BCAR3: variants seen among roughly 807,000 people sequenced by gnomAD.
BCAR3 encodes breast cancer anti-estrogen resistance protein 3.
BCAR3 carries 37 observed loss-of-function variants against 80.1 expected under a neutral mutation model. That is an observed-to-expected ratio of 0.46 (90% confidence interval 0.36 to 0.61). The LOEUF (loss-of-function observed/expected upper bound fraction) is 0.61. BCAR3 is among the 20% of genes least tolerant of loss of function. The pLI, the probability that BCAR3 is intolerant of heterozygous loss-of-function variation, is 0.00. For missense variants in BCAR3, 978 were observed against 1,068.2 expected (o/e 0.92, Z 1.18); for synonymous variants, 389 against 418.9 (o/e 0.93, Z 0.87).
intron 2 of BCAR3, among the ~76,000 whole-genome samples, chr1:93,667,649 CTTGTAAAT>C (rs1467340402): frequency 1.3e-5 from 2 of 152,220 alleles, no homozygotes; most frequent in Admixed American, 6.5e-5. Context: ...ACCTCTCTAA[CTTGTAAAT>C]AACAGCACAG....
At chr1:93,642,897 CA>C (rs551473497) in intron 2 of BCAR3, among the ~76,000 whole-genome samples, 73 of 152,334 alleles carry the variant, frequency 4.8e-4, no homozygotes, top group African/African-American at 1.6e-3. Context: ...AAAATCTCAG[CA>C]ATTCATCCTA....
At position 93,789,731 on chromosome 1, in the gene BCAR3, C is replaced by G. The variant is rs543597679; in HGVS notation, c.-63+55836G>C. Reference sequence around the variant, plus strand: ...ATCATCTGGTTTTCCAGTGAAGATGCAGAGGCTCCTATTTTTCCTTCTGGA... The same window carrying G: ...ATCATCTGGTTTTCCAGTGAAGATGGAGAGGCTCCTATTTTTCCTTCTGGA... On this transcript the variant is annotated intron_variant, in intron 2 of 13. Transcript: ENST00000370244. 1.1e-4 allele frequency among the ~76,000 whole-genome samples: 16 copies of G among 152,350 alleles called. 2 individuals carry two copies. Among genetic ancestry groups the G allele is most frequent in the African/African-American group, 3.6e-4 (15 of 41,570 alleles).
At chr1:93,564,767 C>G (rs1172185981) in intron 11 of BCAR3, among the ~76,000 whole-genome samples, 1 of 152,178 alleles carries the variant, frequency 6.6e-6, no homozygotes, top group Non-Finnish European at 1.5e-5. Context: ...CAGGATTATA[C>G]TTTATCCAGT....
At chr1:93,807,377 T>C (rs1653691059) in intron 2 of BCAR3, among the ~76,000 whole-genome samples, 1 of 152,198 alleles carries the variant, frequency 6.6e-6, no homozygotes, top group African/African-American at 2.4e-5. Context: ...ATGAGAGTTA[T>C]ATATTCTTTA....
At chr1:93,819,938 GTCCCAGGGTCTGTTGT>G (rs536148372) in intron 2 of BCAR3, among the ~76,000 whole-genome samples, 548 of 152,140 alleles carry the variant, frequency 3.6e-3, no homozygotes, top group Middle Eastern at 6.8e-3. Flanking sequence ...CCTCAAGTAG[GTCCCAGGGTCTGTTGT>G]TCCCTCCTTT....
At chr1:93,808,028 A>C (rs1393544881) in intron 2 of BCAR3, among the ~76,000 whole-genome samples, 3 of 145,094 alleles carry the variant, frequency 2.1e-5, no homozygotes, top group African/African-American at 5.2e-5. Context: ...ATAAAGCAAA[A>C]CTCTTTTTTT....
At chr1:93,642,220 G>A in intron 3 of BCAR3, 84 bp downstream of exon 3, 4 of 1,446,198 alleles carry the variant, frequency 2.8e-6, no homozygotes, top group Non-Finnish European at 2.9e-6. Flanking sequence ...AAACCAGGCT[G>A]CAGCATTATT....
chr1:93,738,840 T>C (rs1037688369), intron 2 of BCAR3, among the ~76,000 whole-genome samples: 1 of 152,218 alleles, frequency 6.6e-6, no homozygotes, highest in Non-Finnish European at 1.5e-5. Flanking sequence ...TTTGTATTTA[T>C]TATTAGTTGA....
intron 7 of BCAR3, among the ~76,000 whole-genome samples, chr1:93,580,868 A>C (rs1673676366): frequency 6.6e-6 from 1 of 152,208 alleles, no homozygotes. Context: ...TCCTACAAAA[A>C]AATGGTGATG....
At chr1:93,762,365 A>G (rs1651977899) in intron 2 of BCAR3, among the ~76,000 whole-genome samples, 1 of 152,228 alleles carries the variant, frequency 6.6e-6, no homozygotes, top group Admixed American at 6.5e-5. Context: ...ATCCACATAC[A>G]GAAAGACAAA....
chr1:93,618,163 T>C (rs1200702432), intron 3 of BCAR3, among the ~76,000 whole-genome samples: 2 of 152,270 alleles, frequency 1.3e-5, no homozygotes, highest in African/African-American at 4.8e-5. Context: ...GATTGATTTC[T>C]TGCTCCGAAA....
At chr1:93,748,093 C>A (rs1365932124) in intron 2 of BCAR3, among the ~76,000 whole-genome samples, 1 of 152,206 alleles carries the variant, frequency 6.6e-6, no homozygotes, top group East Asian at 1.9e-4. Context: ...CTTTCTTCCT[C>A]ATTTCCTAAT....
intron 2 of BCAR3, among the ~76,000 whole-genome samples, chr1:93,815,549 G>A (rs1231134971): frequency 6.6e-6 from 1 of 152,142 alleles, no homozygotes; most frequent in Non-Finnish European, 1.5e-5. Context: ...GGTAAAGCTG[G>A]CGCTGCAGAT....
At chr1:93,599,523 G>A (rs922657188) in intron 3 of BCAR3, 1 of 152,160 alleles carries the variant, frequency 6.6e-6, no homozygotes, top group East Asian at 1.9e-4. Context: ...TCAGAGTCAC[G>A]GAAAATCTTT....
At chr1:93,644,877 G>C (rs1328435945) in intron 2 of BCAR3, among the ~76,000 whole-genome samples, 1 of 152,186 alleles carries the variant, frequency 6.6e-6, no homozygotes, top group Non-Finnish European at 1.5e-5. Context: ...TTCTTGAGCT[G>C]ATTTTTCTCC....
At chr1:93,823,059 C>T (rs1654283210) in intron 2 of BCAR3, among the ~76,000 whole-genome samples, 1 of 133,120 alleles carries the variant, frequency 7.5e-6, no homozygotes, top group Non-Finnish European at 1.7e-5. Flanking sequence ...AGTGTCTCTC[C>T]TCCTGCTGAG....
chr1:93,720,053 G>T (rs553113251), intron 2 of BCAR3: 1 of 152,272 alleles, frequency 6.6e-6, no homozygotes, highest in South Asian at 2.1e-4. Flanking sequence ...AAACCCGTGG[G>T]TCTTTCTTAT....
At chr1:93,734,679 A>C (rs895148130) in intron 2 of BCAR3, among the ~76,000 whole-genome samples, 5 of 152,176 alleles carry the variant, frequency 3.3e-5, no homozygotes, top group Non-Finnish European at 5.9e-5. Flanking sequence ...CGGCAAAGCT[A>C]TCTGTAGTTC....
In BCAR3 at chr1:93,613,731, C is replaced by A; in HGVS notation, c.358-21338G>T. ...AAGACCCATCAGTCAAAGAAAGCAC[C>A]TCTGTTTTCACAATCAGCAAGCTGC... is the stretch of plus-strand genomic sequence containing the variant. On this transcript the variant is annotated intron_variant, in intron 3 of 11. Coordinates refer to ENST00000260502, the MANE Select transcript of BCAR3 (RefSeq NM_003567.4). The A allele has an allele frequency of 3.1e-6, 4 of 1,292,802 alleles. No individual in the cohort carries two copies. The South Asian group carries it at 4.4e-5, about 14-fold the overall frequency. The allele number at this position is 1,292,802 out of a possible 1,614,324, so 80.1% of individuals were successfully genotyped here. A position where few individuals can be genotyped will look rare whatever the true frequency, so the allele number is the denominator to read the frequency against.
Sources: allele counts gnomAD v4.1 joint callset (sites outside exome capture counted in the v4.1 genomes callset), GRCh38; gene constraint gnomAD v4.1.1; transcripts MANE v1.5; gene names NCBI Gene and HGNC (gene_info 2026-07-23, HGNC 2026-07-21).